The following ANKS1B variants were observed in gnomAD, a reference collection of about 807,000 sequenced individuals.
The protein encoded by ANKS1B is ankyrin repeat and sterile alpha motif domain containing 1B.
ANKS1B carries 36 observed loss-of-function variants against 148.3 expected under a neutral mutation model. The ratio of observed to expected loss-of-function variants is 0.24; its 90% CI spans 0.19 to 0.32. ANKS1B has a LOEUF of 0.32. ANKS1B is among the 10% of genes least tolerant of loss of function. ANKS1B has a pLI of 1.00. For missense variants in ANKS1B, 1,157 were observed against 1,542.6 expected, an observed-to-expected ratio of 0.75 and a Z score of 4.19; for synonymous variants, 542 against 560.8, an observed-to-expected ratio of 0.97 and a Z score of 0.47.
At chr12:99,168,164 AG>A (rs1380920661) in intron 14 of ANKS1B, among the ~76,000 whole-genome samples, 1 of 152,214 alleles carries the variant, frequency 6.6e-6, no homozygotes, top group African/African-American at 2.4e-5. Context: ...AGTATCAAAA[AG>A]GGTACACTTT....
intron 12 of ANKS1B, among the ~76,000 whole-genome samples, chr12:99,304,783 T>G (rs2154022636): frequency 6.6e-6 from 1 of 152,244 alleles, no homozygotes; most frequent in East Asian, 1.9e-4. Context: ...TATATTTTAG[T>G]AGTCCATTGT....
intron 17 of ANKS1B, among the ~76,000 whole-genome samples, chr12:98,844,463 C>T (rs1026579041): frequency 2.0e-5 from 3 of 152,216 alleles, no homozygotes; most frequent in Non-Finnish European, 2.9e-5. Context: ...ATCCCTGCAT[C>T]ATCAGCCACT....
chr12:99,315,053 G>C (rs1024922569), intron 12 of ANKS1B, among the ~76,000 whole-genome samples: 2 of 151,942 alleles, frequency 1.3e-5, no homozygotes, highest in Non-Finnish European at 2.9e-5. Flanking sequence ...GACCATCCTG[G>C]CCAACATGGT....
intron 1 of ANKS1B, among the ~76,000 whole-genome samples, chr12:99,839,539 G>A (rs1003873261): frequency 3.9e-5 from 6 of 151,960 alleles, no homozygotes; most frequent in African/African-American, 1.5e-4. Flanking sequence ...TATTTAATTG[G>A]TCTAACCTTT....
At chr12:98,916,505 T>C (rs1286945920) in intron 17 of ANKS1B, among the ~76,000 whole-genome samples, 7 of 152,230 alleles carry the variant, frequency 4.6e-5, no homozygotes, top group Admixed American at 4.6e-4. Context: ...CTGGACGAGA[T>C]CATACATGTT....
chr12:99,794,099 T>C (rs184839857), intron 4 of ANKS1B, among the ~76,000 whole-genome samples: 3 of 152,164 alleles, frequency 2.0e-5, no homozygotes, highest in East Asian at 3.9e-4. Flanking sequence ...ATCGGAGAAA[T>C]GCAAATCAAA....
intron 12 of ANKS1B, among the ~76,000 whole-genome samples, chr12:99,334,045 T>C (rs186806520): frequency 2.6e-5 from 4 of 151,946 alleles, no homozygotes; most frequent in African/African-American, 7.2e-5. Context: ...TTTCACATCA[T>C]AGAATATTTA....
chr12:99,500,573 T>C (rs1042157238), intron 10 of ANKS1B, among the ~76,000 whole-genome samples: 1 of 152,170 alleles, frequency 6.6e-6, no homozygotes, highest in Non-Finnish European at 1.5e-5. Flanking sequence ...AATAAATGAC[T>C]GATGTCAGTT....
At chr12:98,935,665 A>G (rs993229147) in intron 17 of ANKS1B, among the ~76,000 whole-genome samples, 1 of 152,174 alleles carries the variant, frequency 6.6e-6, no homozygotes, top group Non-Finnish European at 1.5e-5. Context: ...ATGAATATTT[A>G]TATCTCAAGA....
At chr12:99,968,135 C>T (rs1291294461) in intron 1 of ANKS1B, among the ~76,000 whole-genome samples, 1 of 152,200 alleles carries the variant, frequency 6.6e-6, no homozygotes, top group East Asian at 1.9e-4. Context: ...GGTCTAAGGA[C>T]AAACTGCCTG....
chr12:98,898,477 TG>T (rs1467575746), intron 17 of ANKS1B, among the ~76,000 whole-genome samples: 2 of 152,162 alleles, frequency 1.3e-5, no homozygotes, highest in African/African-American at 2.4e-5. Flanking sequence ...AATCATTTCC[TG>T]AAACCCTCTC....
chr12:99,564,346 G>A (rs889082180), intron 9 of ANKS1B, among the ~76,000 whole-genome samples: 7 of 151,510 alleles, frequency 4.6e-5, no homozygotes, highest in East Asian at 1.9e-4. Flanking sequence ...AGACGCATAC[G>A]TGCTGATACA....
At chr12:99,976,444 C>A (rs186949408) in intron 1 of ANKS1B, among the ~76,000 whole-genome samples, 2 of 152,018 alleles carry the variant, frequency 1.3e-5, no homozygotes, top group African/African-American at 4.8e-5. Context: ...TAGAAAAAAA[C>A]GCTTTTTTTC....
chr12:99,924,577 A>T (rs1160673831), intron 1 of ANKS1B, among the ~76,000 whole-genome samples: 1 of 152,122 alleles, frequency 6.6e-6, no homozygotes, highest in Non-Finnish European at 1.5e-5. Context: ...TCCCCAAGAT[A>T]ATGGTATTAA....
intron 17 of ANKS1B, among the ~76,000 whole-genome samples, chr12:98,923,133 G>C (rs1374388542): frequency 1.3e-5 from 2 of 152,162 alleles, no homozygotes; most frequent in East Asian, 3.9e-4. Flanking sequence ...GTGAGTTCTA[G>C]CTCTCAGGGG....
intron 17 of ANKS1B, among the ~76,000 whole-genome samples, chr12:98,896,266 A>C (rs966892779): frequency 6.6e-6 from 1 of 152,252 alleles, no homozygotes; most frequent in Non-Finnish European, 1.5e-5. Flanking sequence ...AAGCAAAGCA[A>C]ATGAAGATTT....
chr12:98,983,557 T>C (rs1165289495), intron 17 of ANKS1B, among the ~76,000 whole-genome samples: 2 of 152,196 alleles, frequency 1.3e-5, no homozygotes, highest in Admixed American at 6.5e-5. Flanking sequence ...ATGAGGGTCA[T>C]CTATAGAATT....
At chr12:99,717,927 G>A (rs1254576096) in intron 8 of ANKS1B, among the ~76,000 whole-genome samples, 21 of 122,600 alleles carry the variant, frequency 1.7e-4, no homozygotes, top group African/African-American at 6.1e-4. Flanking sequence ...TTTTTGAGAC[G>A]GAGTCTCGCT....
intron 9 of ANKS1B, among the ~76,000 whole-genome samples, chr12:99,508,812 T>G (rs1056435840): frequency 5.9e-5 from 9 of 151,902 alleles, no homozygotes; most frequent in African/African-American, 2.2e-4. Context: ...ACTTTCTAAT[T>G]GGTTCCATAT....
Sources: allele counts gnomAD v4.1 joint callset (sites outside exome capture counted in the v4.1 genomes callset), GRCh38; gene constraint gnomAD v4.1.1; transcripts MANE v1.5; gene names NCBI Gene and HGNC (gene_info 2026-07-23, HGNC 2026-07-21).